Variants in CEP295 observed in about 807,000 individuals in gnomAD.
CEP295 encodes centrosomal protein of 295 kDa.
Under a neutral mutation model 291.6 loss-of-function variants are expected in CEP295, and 190 were observed. The observed-to-expected ratio is 0.65, with a 90% CI of 0.58 to 0.73. The LOEUF (loss-of-function observed/expected upper bound fraction) is 0.73. Ranked by LOEUF, CEP295 falls within the 30% of genes least tolerant of loss-of-function variation. The probability of loss-of-function intolerance (pLI) is 0.00; values close to 1 mark genes in which losing one functional copy is unlikely to be tolerated. For missense variants in CEP295, 2,863 were observed against 2,949.4 expected (o/e 0.97, Z 0.68); for synonymous variants, 993 against 1,038.8 (o/e 0.96, Z 0.85).
In CEP295 at chr11:93,689,930, G is replaced by A. The variant is rs1330095495; in HGVS notation, c.1337-1753G>A. ...AAGCCATGGGCATAGAAAACCACTT[G>A]GAGGGGAAATAATTTAGTGAAAAGA... On this transcript the variant is annotated intron_variant, in intron 10 of 29. Coordinates refer to ENST00000325212, the MANE Select transcript of CEP295 (RefSeq NM_033395.2). Among the ~76,000 whole-genome samples the A allele has an allele frequency of 2.0e-5, 3 of 152,170 alleles. No homozygotes were observed. In the East Asian group the frequency reaches 5.8e-4, roughly 29 times the overall value.
intron 5 of CEP295, among the ~76,000 whole-genome samples, chr11:93,672,434 C>T (rs1415769703): frequency 8.7e-5 from 13 of 149,012 alleles, no homozygotes; most frequent in African/African-American, 2.7e-4. Flanking sequence ...TTTTTTGAGA[C>T]GGGATCTCAC....
chr11:93,724,990 C>T (rs907376653), intron 22 of CEP295, among the ~76,000 whole-genome samples: 1 of 152,046 alleles, frequency 6.6e-6, no homozygotes, highest in Non-Finnish European at 1.5e-5. Context: ...TGCGGTGGCT[C>T]ATGCCTGTAA....
Position 93,675,600 on chromosome 11 carries a change from C to A in CEP295, c.558C>A (p.Val186=). The stretch of plus-strand genomic sequence containing the variant: ...TCGAAGTAAAAAGAATTTCTGCAGT[C>A]AAAACCAATAGTTCTACCTACCATC... The part of the protein sequence containing the change: ...ENIEVKRISA[V]KTNSSTYHHL... Residue 186 remains valine (V), a synonymous_variant, in exon 6 of 30, where the codon GTC becomes GTA. Coordinates refer to ENST00000325212, the MANE Select transcript of CEP295 (RefSeq NM_033395.2). 2 of 1,508,354 alleles carry A rather than the reference C, an allele frequency of 1.3e-6. No homozygotes were observed. Among genetic ancestry groups the A allele is most frequent in the African/African-American group, 1.4e-5 (1 of 70,440 alleles). 93.4% of individuals were successfully genotyped at this position (1,508,354 alleles called of 1,614,324 possible). A position where few individuals can be genotyped will look rare whatever the true frequency, so the allele number is the denominator to read the frequency against.
intron 18 of CEP295, among the ~76,000 whole-genome samples, chr11:93,714,721 G>A (rs1214341955): frequency 6.6e-6 from 1 of 152,224 alleles, no homozygotes; most frequent in African/African-American, 2.4e-5. Context: ...TGTAGTTCTT[G>A]CAGACTCATA....
At chr11:93,676,353 C>T (rs571826031) in intron 6 of CEP295, among the ~76,000 whole-genome samples, 17 of 151,880 alleles carry the variant, frequency 1.1e-4, no homozygotes, top group Non-Finnish European at 2.1e-4. Flanking sequence ...AAATTATTGC[C>T]AGTCTTAAGA....
Position 93,725,842 on chromosome 11 carries a change from C to CT in CEP295, c.6499+12dup. 2 of 1,545,320 alleles carry CT rather than the reference C, an allele frequency of 1.3e-6. No homozygotes were observed. Among genetic ancestry groups the CT allele is most frequent in the Middle Eastern group, 3.3e-4 (2 of 5,976 alleles). On this transcript the variant is annotated intron_variant, in intron 23 of 29. Transcript: ENST00000325212. ...AAAATATTATTGGGGGTATGTATGA[C>CT]TAAGTTAGAAAAAGTTAATTTTTCC...
chr11:93,698,547 ATGAATC>A lies in CEP295; in HGVS notation c.3639_3644del (p.Ser1214_Glu1215del), dbSNP rs1951967629. 6.4e-7 allele frequency: 1 copy of A among 1,552,182 alleles called. No individual in the cohort carries two copies. On this transcript the variant is annotated inframe_deletion, in exon 15 of 30. Transcript: ENST00000325212. ...ACCTCCTCATCCCTTTCCCAGGTGG[ATGAATC>A]TGAGAGATTCCAGGAATGTATATCA...
At position 93,706,000 on chromosome 11, in the gene CEP295, C is replaced by T. The variant is rs1169856306; in HGVS notation, c.5597-745C>T. ...GCAGACTTTAACACCCTCTGATTTC[C>T]TTATGGCATTCTGTCACCCCCTTCC... is the stretch of plus-strand genomic sequence containing the variant. On this transcript the variant is annotated intron_variant, in intron 17 of 29. Coordinates refer to ENST00000325212, the MANE Select transcript of CEP295 (RefSeq NM_033395.2). Among the ~76,000 whole-genome samples the T allele has an allele frequency of 2.0e-5, 3 of 152,238 alleles. No homozygotes were observed. The South Asian group carries it at 6.2e-4, about 32-fold the overall frequency.
At chr11:93,717,599 G>A (rs919656397) in intron 18 of CEP295, among the ~76,000 whole-genome samples, 3 of 152,210 alleles carry the variant, frequency 2.0e-5, no homozygotes, top group African/African-American at 7.2e-5. Context: ...AAGAATGGAA[G>A]TGAAGCTAAA....
At chr11:93,677,624 T>A (rs941940265) in intron 6 of CEP295, among the ~76,000 whole-genome samples, 2 of 152,186 alleles carry the variant, frequency 1.3e-5, no homozygotes, top group African/African-American at 4.8e-5. Flanking sequence ...CAGTGACAGT[T>A]ACGTAGCATT....
chr11:93,695,944 G>A (rs1253436502), intron 13 of CEP295, among the ~76,000 whole-genome samples: 3 of 152,170 alleles, frequency 2.0e-5, no homozygotes, highest in African/African-American at 7.2e-5. Flanking sequence ...CTGGGAGGTG[G>A]AGGTTGCAGA....
chr11:93,669,634 T>G, intron 4 of CEP295, 43 bp from the exon 5 acceptor site: 1 of 1,274,720 alleles, frequency 7.8e-7, no homozygotes, highest in Middle Eastern at 1.8e-4. Context: ...TACTATAATA[T>G]TATCACTGAG....
chr11:93,667,969 C>T (rs1055902763), intron 3 of CEP295, among the ~76,000 whole-genome samples, 162 bp downstream of exon 3: 2 of 145,252 alleles, frequency 1.4e-5, no homozygotes, highest in African/African-American at 5.0e-5. Flanking sequence ...ATAATAGGCT[C>T]ATTTCTTACT....
At position 93,687,832 on chromosome 11, in the gene CEP295, A is replaced by G. The variant is rs1951318720; in HGVS notation, c.1303A>G (p.Lys435Glu). ...PTVESGTIAS[K>E]ERTLSSGQEQ... Reference sequence around the variant, plus strand: ...GGTTGAGTCAGGAACAATTGCCAGCAAAGAGAGAACGTTATCCTCTGGGCA... The same window carrying G: ...GGTTGAGTCAGGAACAATTGCCAGCGAAGAGAGAACGTTATCCTCTGGGCA... Residue 435 changes from lysine to glutamate, a missense_variant, in exon 10 of 30, where the codon AAA (lysine) becomes GAA (glutamate). Coordinates refer to ENST00000325212, the MANE Select transcript of CEP295 (RefSeq NM_033395.2). 1 of 1,550,936 alleles carries G rather than the reference A, an allele frequency of 6.4e-7. No individual in the cohort carries two copies. The highest frequency in any genetic ancestry group is 1.4e-5 in the African/African-American group (1 of 73,158).
At chr11:93,684,467 A>G (rs767903243) in intron 9 of CEP295, among the ~76,000 whole-genome samples, 10 of 152,160 alleles carry the variant, frequency 6.6e-5, no homozygotes, top group African/African-American at 9.7e-5. Context: ...TGTGTGGCAT[A>G]CACACCTGAA....
At chr11:93,670,581 A>G (rs1950394454) in intron 5 of CEP295, among the ~76,000 whole-genome samples, 1 of 152,186 alleles carries the variant, frequency 6.6e-6, no homozygotes, top group Non-Finnish European at 1.5e-5. Flanking sequence ...GTATAAGCAT[A>G]AGTACCAGAT....
At position 93,729,434 on chromosome 11, in the gene CEP295, G is replaced by C; in HGVS notation, c.7303G>C (p.Val2435Leu). ...SENEAKCFFQ[V>L]SEFLPLVSAT... Reference sequence around the variant, plus strand: ...AAACATGCAACTTTCTTGCCATTAGGTGAGTGAGTTTCTGCCTCTTGTATC... The same window carrying C: ...AAACATGCAACTTTCTTGCCATTAGCTGAGTGAGTTTCTGCCTCTTGTATC... Residue 2435 changes from valine (V) to leucine (L), a missense_variant and splice_region_variant, in exon 26 of 30, where the codon GTG becomes CTG. Coordinates refer to ENST00000325212, the MANE Select transcript of CEP295 (RefSeq NM_033395.2). 2 of 1,545,692 alleles carry C rather than the reference G, an allele frequency of 1.3e-6. No homozygotes were observed. The highest frequency in any genetic ancestry group is 1.8e-6 in the Non-Finnish European group (2 of 1,141,366).
chr11:93,674,098 G>T (rs1436269850), intron 5 of CEP295, among the ~76,000 whole-genome samples: 3 of 152,034 alleles, frequency 2.0e-5, no homozygotes, highest in African/African-American at 7.2e-5. Context: ...TAGCAGCAGG[G>T]ATTACAGGTG....
At chr11:93,670,577 G>A (rs1950394036) in intron 5 of CEP295, among the ~76,000 whole-genome samples, 1 of 152,058 alleles carries the variant, frequency 6.6e-6, no homozygotes, top group Admixed American at 6.5e-5. Context: ...TTCTGTATAA[G>A]CATAAGTACC....
Sources: allele counts gnomAD v4.1 joint callset (sites outside exome capture counted in the v4.1 genomes callset), GRCh38; gene constraint gnomAD v4.1.1; transcripts MANE v1.5; gene names NCBI Gene and HGNC (gene_info 2026-07-23, HGNC 2026-07-21).